The following PIPOX variants were observed in gnomAD, a reference collection of about 807,000 sequenced individuals.
The protein encoded by PIPOX is pipecolic acid and sarcosine oxidase.
A neutral mutation model predicts 47.9 loss-of-function variants in PIPOX; 45 were observed. That is an observed-to-expected ratio of 0.94 (90% CI 0.74 to 1.20). PIPOX has a LOEUF of 1.20. PIPOX is among the 50% of genes most tolerant of loss of function. PIPOX has a pLI of 0.00. For missense variants in PIPOX, 458 were observed against 498.4 expected, an observed-to-expected ratio of 0.92 and a Z score of 0.77; for synonymous variants, 165 against 191.3, an observed-to-expected ratio of 0.86 and a Z score of 1.13.
intron 7 of PIPOX, 23 bp downstream of exon 7, chr17:29,055,911 G>A: frequency 6.2e-7 from 1 of 1,606,876 alleles, no homozygotes. Context: ...TGGGGGGAAT[G>A]GGGTGCCTTA....
intron 2 of PIPOX, 143 bp downstream of exon 2, chr17:29,045,150 T>C: frequency 1.0e-6 from 1 of 959,268 alleles, no homozygotes; most frequent in Non-Finnish European, 1.5e-6. Context: ...CATGGAAGAG[T>C]TCTGCTGTCA....
Position 29,055,137 on chromosome 17 carries a change from C to T in PIPOX, c.882C>T (p.Asp294=), listed in dbSNP as rs7223527. The change falls in exon 6 of 8, where the codon GAC becomes GAT. Residue 294 remains aspartate (D), a synonymous_variant. Coordinates refer to ENST00000323372, the MANE Select transcript of PIPOX (RefSeq NM_016518.3). ...DCPTARTDIG[D]VQILSSFVRD... is the part of the protein sequence containing the mutation. ...CCACAGCACGCACAGACATCGGAGA[C>T]GTCCAGATCCTGAGCAGCTTTGTCA... 5,982 of 1,614,126 alleles carry T rather than the reference C, an allele frequency of 3.7e-3. 176 individuals carry two copies. In the African/African-American group the frequency reaches 0.07, roughly 19 times the overall value.
Position 29,043,308 on chromosome 17 carries a change from A to G in PIPOX, c.83A>G (p.Lys28Arg). ...QGCFTAYHLA[K>R]HRKRILLLEQ... ...TGCTTCACTGCATACCACCTGGCCA[A>G]ACACAGGAAGAGGATCCTCCTGCTG... is the stretch of plus-strand genomic sequence containing the variant. Residue 28 changes from lysine (K) to arginine (R), a missense_variant, in exon 1 of 8, where the codon AAA (lysine) becomes AGA (arginine). By Grantham distance (26) the Lys-to-Arg change is conservative. Coordinates refer to ENST00000323372, the MANE Select transcript of PIPOX (RefSeq NM_016518.3). The G allele has an allele frequency of 6.2e-7, 1 of 1,613,776 alleles. No individual in the cohort carries two copies. Among genetic ancestry groups the G allele is most frequent in the Non-Finnish European group, 8.5e-7 (1 of 1,179,744 alleles).
intron 2 of PIPOX, among the ~76,000 whole-genome samples, chr17:29,045,541 G>A (rs552090987): frequency 2.9e-4 from 43 of 150,466 alleles, no homozygotes; most frequent in African/African-American, 1.0e-3. Flanking sequence ...CTCCCGGGCA[G>A]CTGGGACTAC....
At chr17:29,054,041 G>C (rs987734639) in intron 4 of PIPOX, among the ~76,000 whole-genome samples, 2 of 152,064 alleles carry the variant, frequency 1.3e-5, no homozygotes, top group Non-Finnish European at 2.9e-5. Flanking sequence ...AATTAGCCAG[G>C]TGTAGTGGCG....
intron 1 of PIPOX, among the ~76,000 whole-genome samples, chr17:29,043,721 G>A (rs1210188599): frequency 6.6e-6 from 1 of 152,160 alleles, no homozygotes; most frequent in Non-Finnish European, 1.5e-5. Flanking sequence ...TTTGCCTAGA[G>A]GCAAAGGTTG....
At chr17:29,055,513 G>T (rs896809042) in intron 6 of PIPOX, among the ~76,000 whole-genome samples, 1 of 152,194 alleles carries the variant, frequency 6.6e-6, no homozygotes, top group Non-Finnish European at 1.5e-5. Flanking sequence ...AGTTGAGCAG[G>T]CCTTAGGGAC....
intron 6 of PIPOX, 35 bp downstream of exon 6, chr17:29,055,256 A>G (rs1214838058): frequency 6.2e-7 from 1 of 1,612,832 alleles, no homozygotes; most frequent in Non-Finnish European, 8.5e-7. Flanking sequence ...GGGCCCCCTC[A>G]CCACTCTACA....
chr17:29,052,865 A>T, intron 2 of PIPOX, 55 bp from the exon 3 acceptor site: 1 of 1,519,478 alleles, frequency 6.6e-7, no homozygotes, highest in African/African-American at 1.4e-5. Context: ...GAGTCGTCAC[A>T]TCAGGCCCAG....
At chr17:29,049,145 A>G (rs2065796225) in intron 2 of PIPOX, among the ~76,000 whole-genome samples, 1 of 152,200 alleles carries the variant, frequency 6.6e-6, no homozygotes, top group South Asian at 2.1e-4. Flanking sequence ...ACCTCTTCCT[A>G]GTGCTGGATC....
intron 2 of PIPOX, 81 bp downstream of exon 2, chr17:29,045,088 G>C: frequency 1.4e-6 from 2 of 1,432,898 alleles, no homozygotes; most frequent in Non-Finnish European, 1.9e-6. Flanking sequence ...CAGCGCCATG[G>C]AACATTTGGA....
At chr17:29,054,123 C>T (rs2065817737) in intron 4 of PIPOX, among the ~76,000 whole-genome samples, 1 of 152,060 alleles carries the variant, frequency 6.6e-6, no homozygotes, top group Admixed American at 6.5e-5. Context: ...GTTGAGGCTG[C>T]AATGAGTCGT....
chr17:29,050,949 G>C (rs2065803769), intron 2 of PIPOX, among the ~76,000 whole-genome samples: 1 of 152,000 alleles, frequency 6.6e-6, no homozygotes, highest in Admixed American at 6.6e-5. Flanking sequence ...AAACCAGCCT[G>C]GCCAACAAGG....
At chr17:29,055,768 T>A in intron 6 of PIPOX, 45 bp from the exon 7 acceptor site, 2 of 1,495,612 alleles carry the variant, frequency 1.3e-6, no homozygotes, top group South Asian at 2.3e-5. Context: ...TTCTTTCTCT[T>A]CCCTCGAGCC....
intron 2 of PIPOX, chr17:29,051,952 G>C (rs777664651): frequency 6.4e-6 from 3 of 470,870 alleles, no homozygotes; most frequent in South Asian, 4.6e-5. Context: ...TACCACCCTG[G>C]TGTGGAACCA....
At chr17:29,047,852 T>C (rs2065791427) in intron 2 of PIPOX, among the ~76,000 whole-genome samples, 1 of 152,178 alleles carries the variant, frequency 6.6e-6, no homozygotes, top group South Asian at 2.1e-4. Flanking sequence ...TCCAAATAAG[T>C]TCATGCCTAA....
intron 4 of PIPOX, among the ~76,000 whole-genome samples, chr17:29,054,335 T>G (rs1461571225): frequency 1.3e-5 from 2 of 151,952 alleles, no homozygotes; most frequent in Non-Finnish European, 2.9e-5. Context: ...AAACTAAGAA[T>G]GGGAGAAGAG....
In PIPOX at chr17:29,056,291, A is replaced by G. The variant is rs1459536787; in HGVS notation, c.1159A>G (p.Lys387Glu). 1 of 1,614,222 alleles carries G rather than the reference A, an allele frequency of 6.2e-7. No individual in the cohort carries two copies. The highest frequency in any genetic ancestry group is 2.2e-5 in the East Asian group (1 of 44,884). Residue 387 changes from lysine to glutamate, a missense_variant, in exon 8 of 8, where the codon AAA (lysine) becomes GAA (glutamate). Physicochemically the swap from Lys to Glu is moderately conservative, Grantham distance 56. Transcript: ENST00000323372. The stretch of plus-strand genomic sequence containing the variant: ...AATCAGCCGTTTCCCAAGCCTGGGC[A>G]AAGCCCACCTTTGACCTCTGGCCAG... ...FRISRFPSLG[K>E]AHL
chr17:29,051,186 G>A (rs2065804750), intron 2 of PIPOX, among the ~76,000 whole-genome samples: 1 of 152,178 alleles, frequency 6.6e-6, no homozygotes, highest in African/African-American at 2.4e-5. Flanking sequence ...GTCCTTTTGG[G>A]GGCCACAGAA....
Sources: allele counts gnomAD v4.1 joint callset (sites outside exome capture counted in the v4.1 genomes callset), GRCh38; gene constraint gnomAD v4.1.1; transcripts MANE v1.5; gene names NCBI Gene and HGNC (gene_info 2026-07-23, HGNC 2026-07-21).